The following DOK6 variants were observed in gnomAD, a reference collection of about 807,000 sequenced individuals.
DOK6 encodes downstream of tyrosine kinase 6.
Under a neutral mutation model 44.0 loss-of-function variants are expected in DOK6, and 22 were observed. That is an observed-to-expected ratio of 0.50 (90% CI 0.36 to 0.71). The LOEUF (loss-of-function observed/expected upper bound fraction) is 0.71. Ranked by LOEUF, DOK6 falls within the 30% of genes least tolerant of loss-of-function variation. The pLI is 0.00. For missense variants in DOK6, 340 were observed against 416.4 expected (o/e 0.82, Z 1.60); for synonymous variants, 166 against 145.5 (o/e 1.14, Z -1.01).
In DOK6 at chr18:69,580,489, G is replaced by T. The variant is rs184970385; in HGVS notation, c.174+15895G>T. Among the ~76,000 whole-genome samples the T allele has an allele frequency of 2.6e-5, 4 of 152,292 alleles. No individual in the cohort carries two copies. In the East Asian group the frequency reaches 7.7e-4, roughly 29 times the overall value. On this transcript the variant is annotated intron_variant, in intron 2 of 7. Coordinates refer to ENST00000382713, the MANE Select transcript of DOK6 (RefSeq NM_152721.6). ...AAGCTTCCATGATGAAGCCAGGCAT[G>T]CCTGGGGAATCTTTCTTTCATTTTC...
chr18:69,810,014 T>C (rs373433049), intron 7 of DOK6, among the ~76,000 whole-genome samples: 103 of 152,012 alleles, frequency 6.8e-4, no homozygotes, highest in African/African-American at 2.4e-3. Context: ...CAAAAGATCC[T>C]GAATAGCCAA....
chr18:69,796,030 A>C (rs551983778), intron 7 of DOK6, among the ~76,000 whole-genome samples: 1 of 152,176 alleles, frequency 6.6e-6, no homozygotes, highest in South Asian at 2.1e-4. Flanking sequence ...TTCAGAGAAG[A>C]GAGAAATGAA....
At position 69,535,171 on chromosome 18, in the gene DOK6, G is replaced by A. The variant is rs145027524; in HGVS notation, c.67-29316G>A. 2.6e-3 allele frequency among the ~76,000 whole-genome samples: 389 copies of A among 152,172 alleles called. 3 individuals are homozygous for A. The highest frequency in any genetic ancestry group is 8.1e-3 in the African/African-American group (338 of 41,548). ...ATGAGGGGAACGAATGTGAATCACC[G>A]TACGTTGTGCATGTATCTCTTCATT... On this transcript the variant is annotated intron_variant, in intron 1 of 7. Coordinates refer to ENST00000382713, the MANE Select transcript of DOK6 (RefSeq NM_152721.6).
At chr18:69,480,481 A>T (rs1432190288) in intron 1 of DOK6, among the ~76,000 whole-genome samples, 1 of 152,214 alleles carries the variant, frequency 6.6e-6, no homozygotes, top group Non-Finnish European at 1.5e-5. Flanking sequence ...AAATATTTCT[A>T]AAATATACCT....
At chr18:69,485,872 T>C (rs1980561081) in intron 1 of DOK6, among the ~76,000 whole-genome samples, 1 of 113,720 alleles carries the variant, frequency 8.8e-6, no homozygotes, top group Non-Finnish European at 1.8e-5. Flanking sequence ...ATATATAGTA[T>C]ACGTATATAT....
chr18:69,424,910 C>G (rs2122413621), intron 1 of DOK6, among the ~76,000 whole-genome samples: 1 of 152,224 alleles, frequency 6.6e-6, no homozygotes. Flanking sequence ...GCTGGATTTA[C>G]TCAGGCAAAT....
chr18:69,459,675 T>C (rs1044667670), intron 1 of DOK6, among the ~76,000 whole-genome samples: 5 of 152,208 alleles, frequency 3.3e-5, no homozygotes, highest in African/African-American at 1.2e-4. Flanking sequence ...TCACTAAGCT[T>C]TCATCACTGT....
At chr18:69,709,284 T>C (rs1185112760) in intron 5 of DOK6, among the ~76,000 whole-genome samples, 1 of 152,182 alleles carries the variant, frequency 6.6e-6, no homozygotes, top group African/African-American at 2.4e-5. Flanking sequence ...AAACTATTAT[T>C]TTTAAATTAA....
At chr18:69,649,708 G>C (rs759938505) in intron 3 of DOK6, among the ~76,000 whole-genome samples, 3 of 152,030 alleles carry the variant, frequency 2.0e-5, no homozygotes, top group Non-Finnish European at 2.9e-5. Context: ...CAAGGACAAA[G>C]AAACATTGCA....
chr18:69,643,776 T>C (rs969721130), intron 3 of DOK6: 5 of 152,220 alleles, frequency 3.3e-5, no homozygotes, highest in African/African-American at 1.2e-4. Context: ...AAGGGGCTAA[T>C]TGCTGATTCT....
At chr18:69,424,864 C>A (rs553988180) in intron 1 of DOK6, among the ~76,000 whole-genome samples, 1 of 152,250 alleles carries the variant, frequency 6.6e-6, no homozygotes, top group South Asian at 2.1e-4. Context: ...ACATGCACAA[C>A]TTTTCATGTT....
chr18:69,527,979 T>A (rs145239745), intron 1 of DOK6, among the ~76,000 whole-genome samples: 1 of 151,954 alleles, frequency 6.6e-6, no homozygotes, highest in Non-Finnish European at 1.5e-5. Flanking sequence ...TTGGCTAACA[T>A]GGTGAAACCC....
At chr18:69,668,006 C>T (rs912963639) in intron 3 of DOK6, among the ~76,000 whole-genome samples, 2 of 152,142 alleles carry the variant, frequency 1.3e-5, no homozygotes, top group African/African-American at 4.8e-5. Flanking sequence ...TGTTATTTTC[C>T]TCTAAATCTG....
At chr18:69,617,599 C>A (rs570733356) in intron 3 of DOK6, among the ~76,000 whole-genome samples, 2 of 121,928 alleles carry the variant, frequency 1.6e-5, no homozygotes, top group South Asian at 2.7e-4. Context: ...ACAGAAAAGA[C>A]TGAGCGATAG....
intron 3 of DOK6, among the ~76,000 whole-genome samples, chr18:69,617,741 GGAAGGAAGGAAGGAAA>G (rs890293023): frequency 4.0e-5 from 2 of 50,508 alleles, no homozygotes; most frequent in East Asian, 6.6e-4. Context: ...GGGGAAGGAG[GGAAGGAAGGAAGGAAA>G]GAAGGAAGGA....
At chr18:69,492,253 A>T (rs923713996) in intron 1 of DOK6, among the ~76,000 whole-genome samples, 1 of 152,198 alleles carries the variant, frequency 6.6e-6, no homozygotes, top group Non-Finnish European at 1.5e-5. Flanking sequence ...TTTTAAATTT[A>T]TGGATATCAT....
intron 3 of DOK6, among the ~76,000 whole-genome samples, chr18:69,619,839 A>G (rs918755538): frequency 6.6e-6 from 1 of 152,222 alleles, no homozygotes; most frequent in Non-Finnish European, 1.5e-5. Context: ...ACACGCACAC[A>G]TATGTATACA....
chr18:69,771,405 C>A (rs561482173), intron 7 of DOK6, among the ~76,000 whole-genome samples: 1 of 151,960 alleles, frequency 6.6e-6, no homozygotes, highest in African/African-American at 2.4e-5. Flanking sequence ...TTTATTTAAC[C>A]ATTGCTCTAT....
intron 2 of DOK6, among the ~76,000 whole-genome samples, chr18:69,598,112 A>G (rs1331866055): frequency 1.3e-5 from 2 of 152,218 alleles, no homozygotes; most frequent in East Asian, 3.9e-4. Flanking sequence ...TAGTCTACAT[A>G]GTGTAATGTT....
Sources: allele counts gnomAD v4.1 joint callset (sites outside exome capture counted in the v4.1 genomes callset), GRCh38; gene constraint gnomAD v4.1.1; transcripts MANE v1.5; gene names NCBI Gene and HGNC (gene_info 2026-07-23, HGNC 2026-07-21).